MECOM: variants seen among roughly 807,000 people sequenced by gnomAD.
The protein encoded by MECOM is histone-lysine N-methyltransferase MECOM.
MECOM carries 13 observed loss-of-function variants against 116.3 expected under a neutral mutation model. The ratio of observed to expected loss-of-function variants is 0.11; its 90% CI spans 0.07 to 0.18. The LOEUF (loss-of-function observed/expected upper bound fraction) is 0.18. Ranked by LOEUF, MECOM falls within the 10% of genes least tolerant of loss-of-function variation. MECOM has a pLI of 1.00. For synonymous variants in MECOM, 528 were observed against 535.2 expected, an observed-to-expected ratio of 0.99 and a Z score of 0.19; for missense variants, 1,299 against 1,509.0, an observed-to-expected ratio of 0.86 and a Z score of 2.31.
chr3:169,288,764 G>A (rs907793393), intron 2 of MECOM, among the ~76,000 whole-genome samples: 8 of 152,094 alleles, frequency 5.3e-5, no homozygotes, highest in African/African-American at 1.7e-4. Context: ...CTCAAGTTAG[G>A]TGTTCCGTCA....
intron 2 of MECOM, among the ~76,000 whole-genome samples, chr3:169,316,429 T>C (rs1465910605): frequency 6.6e-6 from 1 of 152,236 alleles, no homozygotes; most frequent in Admixed American, 6.5e-5. Context: ...GGCAGTCATA[T>C]CAACAAAGTT....
chr3:169,283,291 C>A (rs1712535483), intron 2 of MECOM, among the ~76,000 whole-genome samples: 1 of 151,898 alleles, frequency 6.6e-6, no homozygotes, highest in Admixed American at 6.6e-5. Context: ...TCACTTGAGC[C>A]CAGGGCTTCA....
intron 1 of MECOM, among the ~76,000 whole-genome samples, chr3:169,638,011 T>C (rs929884540): frequency 1.3e-5 from 2 of 152,232 alleles, no homozygotes; most frequent in Non-Finnish European, 2.9e-5. Context: ...GAGGAAATTC[T>C]CATCAAGGAT....
chr3:169,586,970 A>G (rs1378121062), intron 1 of MECOM, among the ~76,000 whole-genome samples: 4 of 152,216 alleles, frequency 2.6e-5, no homozygotes, highest in African/African-American at 9.6e-5. Flanking sequence ...ATTGAGGACT[A>G]TGTGCCAGTT....
At position 169,386,355 on chromosome 3, in the gene MECOM, T is replaced by C. The variant is rs550475749; in HGVS notation, c.38-4831A>G. On this transcript the variant is annotated intron_variant, in intron 1 of 16. Transcript: ENST00000651503. The stretch of plus-strand genomic sequence containing the variant: ...CATTTTCCAGATGTAGGACCTGATA[T>C]TCAATATATCCAAAGTCAGCTGAGA... 3.9e-5 allele frequency among the ~76,000 whole-genome samples: 6 copies of C among 152,268 alleles called. No homozygotes were observed. In the East Asian group the frequency reaches 1.2e-3, roughly 29 times the overall value.
At chr3:169,533,335 T>C (rs1194556055) in intron 1 of MECOM, among the ~76,000 whole-genome samples, 1 of 152,138 alleles carries the variant, frequency 6.6e-6, no homozygotes, top group Non-Finnish European at 1.5e-5. Flanking sequence ...GGGCTCCAGG[T>C]CGTGATGGTG....
intron 2 of MECOM, among the ~76,000 whole-genome samples, chr3:169,339,714 G>A (rs1481139229): frequency 6.6e-6 from 1 of 152,056 alleles, no homozygotes. Context: ...TAGAAGATGA[G>A]CTACAGGATG....
At chr3:169,133,114 C>T (rs1162270795) in intron 3 of MECOM, among the ~76,000 whole-genome samples, 2 of 150,212 alleles carry the variant, frequency 1.3e-5, no homozygotes, top group Admixed American at 1.3e-4. Context: ...AACACATACA[C>T]ACACACACAC....
intron 2 of MECOM, among the ~76,000 whole-genome samples, chr3:169,319,363 G>T (rs139812487): frequency 9.7e-4 from 148 of 152,098 alleles, no homozygotes; most frequent in African/African-American, 3.4e-3. Context: ...TCGTAAGAGG[G>T]AGTTGAACAA....
chr3:169,197,962 T>C (rs1748649190), intron 2 of MECOM, among the ~76,000 whole-genome samples: 1 of 152,036 alleles, frequency 6.6e-6, no homozygotes, highest in African/African-American at 2.4e-5. Context: ...AAAGAACATC[T>C]CCGTGTGGTT....
At chr3:169,433,639 GAGAAAGAA>G (rs748166969) in intron 1 of MECOM, among the ~76,000 whole-genome samples, 3,892 of 127,004 alleles carry the variant, frequency 0.031, 81 homozygotes, top group Middle Eastern at 0.061. Context: ...GAAAGAGAAA[GAGAAAGAA>G]AGAAAGAAAG....
At chr3:169,109,658 C>T (rs936929511) in intron 9 of MECOM, among the ~76,000 whole-genome samples, 18 of 152,140 alleles carry the variant, frequency 1.2e-4, no homozygotes, top group Non-Finnish European at 1.9e-4. Flanking sequence ...TTAGGTGATC[C>T]GCCCGCCTCG....
chr3:169,332,128 TCA>T (rs1722850696), intron 2 of MECOM, among the ~76,000 whole-genome samples: 1 of 151,892 alleles, frequency 6.6e-6, no homozygotes, highest in African/African-American at 2.4e-5. Context: ...CAGAAGCTCA[TCA>T]CAGTTTAACC....
At chr3:169,185,912 T>C (rs1489112224) in intron 2 of MECOM, among the ~76,000 whole-genome samples, 2 of 152,218 alleles carry the variant, frequency 1.3e-5, no homozygotes, top group African/African-American at 2.4e-5. Context: ...TGCCATGCTT[T>C]CTTTTGTCTT....
At chr3:169,390,201 A>C (rs1230832095) in intron 1 of MECOM, among the ~76,000 whole-genome samples, 1 of 152,182 alleles carries the variant, frequency 6.6e-6, no homozygotes, top group Non-Finnish European at 1.5e-5. Context: ...CACTCAAGCA[A>C]TCCCAGTTCT....
chr3:169,486,828 C>G (rs1305934180), intron 1 of MECOM, among the ~76,000 whole-genome samples: 1 of 151,822 alleles, frequency 6.6e-6, no homozygotes, highest in Admixed American at 6.6e-5. Flanking sequence ...GCACACAGCC[C>G]CAAATTACAA....
intron 1 of MECOM, among the ~76,000 whole-genome samples, chr3:169,485,932 AGTATATATGTATGTATATATG>A (rs1752166121): frequency 3.5e-5 from 1 of 28,662 alleles, no homozygotes; most frequent in East Asian, 1.6e-3. Context: ...TAGTATATAT[AGTATATATGTATGTATATATG>A]TACATATATA....
chr3:169,596,496 T>C (rs896734249), intron 1 of MECOM, among the ~76,000 whole-genome samples: 2 of 152,196 alleles, frequency 1.3e-5, no homozygotes, highest in Non-Finnish European at 2.9e-5. Flanking sequence ...GAATTCATAA[T>C]GGGTAAAGTG....
chr3:169,184,483 C>T (rs958469188), intron 2 of MECOM, among the ~76,000 whole-genome samples: 48 of 151,762 alleles, frequency 3.2e-4, no homozygotes, highest in African/African-American at 1.1e-3. Flanking sequence ...ACAAGGCTGG[C>T]TTTCTAATTT....
Sources: allele counts gnomAD v4.1 joint callset (sites outside exome capture counted in the v4.1 genomes callset), GRCh38; gene constraint gnomAD v4.1.1; transcripts MANE v1.5; gene names NCBI Gene and HGNC (gene_info 2026-07-23, HGNC 2026-07-21).